ANKFN1: variants seen among roughly 807,000 people sequenced by gnomAD.
ANKFN1 encodes the protein ankyrin repeat and fibronectin type III domain containing 1.
Under a neutral mutation model 108.7 loss-of-function variants are expected in ANKFN1, and 74 were observed. That is an observed-to-expected ratio of 0.68 (90% CI 0.56 to 0.83). The LOEUF is 0.83. ANKFN1 is among the 40% of genes least tolerant of loss of function. The pLI is 0.00. For missense variants in ANKFN1, 1,505 were observed against 1,382.3 expected, an observed-to-expected ratio of 1.09 and a Z score of -1.41; for synonymous variants, 547 against 516.2, an observed-to-expected ratio of 1.06 and a Z score of -0.81.
At chr17:56,423,897 C>T (rs1228823325) in intron 8 of ANKFN1, among the ~76,000 whole-genome samples, 2 of 152,136 alleles carry the variant, frequency 1.3e-5, no homozygotes, top group Non-Finnish European at 2.9e-5. Flanking sequence ...TCCCTGTCAC[C>T]CACCAATCTT....
chr17:56,261,576 A>G (rs2043511699), intron 3 of ANKFN1, among the ~76,000 whole-genome samples: 1 of 151,876 alleles, frequency 6.6e-6, no homozygotes, highest in South Asian at 2.1e-4. Flanking sequence ...AGGGAAGCCA[A>G]CAGTGCAGCC....
At chr17:56,105,686 T>G (rs1226584969) in intron 4 of ANKFN1, among the ~76,000 whole-genome samples, 1 of 148,572 alleles carries the variant, frequency 6.7e-6, no homozygotes, top group African/African-American at 2.5e-5. Context: ...TTCAGTTAAT[T>G]TTGGAGTTTT....
chr17:56,500,195 T>C (rs747865198), intron 20 of ANKFN1, among the ~76,000 whole-genome samples: 1 of 152,222 alleles, frequency 6.6e-6, no homozygotes, highest in African/African-American at 2.4e-5. Flanking sequence ...TGTCATATAA[T>C]AGACAATATA....
chr17:56,280,871 C>T (rs1005930282), intron 3 of ANKFN1, among the ~76,000 whole-genome samples: 19 of 152,186 alleles, frequency 1.2e-4, no homozygotes, highest in Middle Eastern at 3.4e-3. Context: ...GTGGGAGGGA[C>T]CTAGTGGGAG....
Position 56,391,678 on chromosome 17 carries a change from G to A in ANKFN1, c.910+16964G>A, listed in dbSNP as rs142079183. On this transcript the variant is annotated intron_variant, in intron 8 of 20. Coordinates refer to ENST00000682825, the MANE Select transcript of ANKFN1 (RefSeq NM_001370326.1). ...CCTGACCTCGTGATCCACCCACCTCGGCCTCCCAAAGTGCTGGGATTACAG... is the reference window on the plus strand; with the variant it reads ...CCTGACCTCGTGATCCACCCACCTCAGCCTCCCAAAGTGCTGGGATTACAG... 3.8e-3 allele frequency among the ~76,000 whole-genome samples: 573 copies of A among 151,876 alleles called. 4 individuals are homozygous for A. The highest frequency in any genetic ancestry group is 0.013 in the African/African-American group (527 of 41,434).
chr17:56,279,748 C>A (rs2144234384), intron 3 of ANKFN1, among the ~76,000 whole-genome samples: 1 of 152,280 alleles, frequency 6.6e-6, no homozygotes, highest in African/African-American at 2.4e-5. Context: ...TTTTTAAGGT[C>A]TACACACAAT....
chr17:56,136,521 G>C (rs1907608658), intron 4 of ANKFN1, among the ~76,000 whole-genome samples: 2 of 152,198 alleles, frequency 1.3e-5, no homozygotes, highest in African/African-American at 4.8e-5. Flanking sequence ...CTGATCAACA[G>C]AGTGGAAACA....
At chr17:56,298,281 G>C (rs910886137) in intron 3 of ANKFN1, among the ~76,000 whole-genome samples, 1 of 152,014 alleles carries the variant, frequency 6.6e-6, no homozygotes, top group Non-Finnish European at 1.5e-5. Context: ...GATGATTTTT[G>C]CTTTTTCCTG....
intron 3 of ANKFN1, among the ~76,000 whole-genome samples, chr17:56,297,385 G>A (rs2044544174): frequency 6.6e-6 from 1 of 152,198 alleles, no homozygotes; most frequent in African/African-American, 2.4e-5. Flanking sequence ...AAAAGGGCAG[G>A]AGGGTGAGAG....
intron 8 of ANKFN1, among the ~76,000 whole-genome samples, chr17:56,392,655 A>G (rs1349016389): frequency 6.6e-6 from 1 of 152,178 alleles, no homozygotes; most frequent in East Asian, 1.9e-4. Context: ...ATTTCACACG[A>G]TATGGAAAAA....
intron 8 of ANKFN1, among the ~76,000 whole-genome samples, chr17:56,385,413 A>G (rs540943342): frequency 6.7e-4 from 102 of 152,364 alleles, no homozygotes; most frequent in African/African-American, 2.4e-3. Context: ...GGCATGGGCA[A>G]GGACTTCATG....
intron 4 of ANKFN1, among the ~76,000 whole-genome samples, chr17:56,143,119 G>T (rs1908027897): frequency 2.0e-5 from 3 of 152,182 alleles, no homozygotes; most frequent in Admixed American, 1.3e-4. Flanking sequence ...ATTAGGGGTG[G>T]GGTTGGGGGG....
At chr17:56,346,134 A>T (rs2046092844) in intron 4 of ANKFN1, among the ~76,000 whole-genome samples, 1 of 152,062 alleles carries the variant, frequency 6.6e-6, no homozygotes, top group African/African-American at 2.4e-5. Flanking sequence ...AGCACTATTT[A>T]TTAAATAGGG....
chr17:56,160,604 GA>G (rs1162486630), intron 1 of ANKFN1, among the ~76,000 whole-genome samples: 6 of 152,144 alleles, frequency 3.9e-5, no homozygotes, highest in Non-Finnish European at 7.4e-5. Context: ...AGAGTTCCAG[GA>G]AAAAAATGGA....
intron 3 of ANKFN1, among the ~76,000 whole-genome samples, chr17:56,263,548 A>G (rs1277004556): frequency 2.6e-5 from 4 of 152,246 alleles, no homozygotes; most frequent in African/African-American, 4.8e-5. Context: ...TACCTTATAG[A>G]AAGAAGATAT....
At chr17:56,265,843 T>TA (rs1159554076) in intron 3 of ANKFN1, among the ~76,000 whole-genome samples, 4 of 152,258 alleles carry the variant, frequency 2.6e-5, no homozygotes. Context: ...GTATTCTTTT[T>TA]ATTGTTTTAC....
intron 4 of ANKFN1, among the ~76,000 whole-genome samples, chr17:56,090,179 C>T (rs73325645): frequency 0.017 from 2,523 of 151,118 alleles, 127 homozygotes; most frequent in African/African-American, 0.057. Context: ...GAGCATGTCA[C>T]GGAGTGAAAT....
intron 3 of ANKFN1, among the ~76,000 whole-genome samples, chr17:56,287,208 A>T (rs896239058): frequency 2.0e-5 from 3 of 152,162 alleles, no homozygotes; most frequent in African/African-American, 7.2e-5. Context: ...CAGTGCAGTC[A>T]GTGAGATGTG....
At chr17:56,233,376 T>C (rs1598280798) in intron 3 of ANKFN1, among the ~76,000 whole-genome samples, 2 of 152,160 alleles carry the variant, frequency 1.3e-5, no homozygotes, top group East Asian at 3.9e-4. Context: ...TCAAAACATC[T>C]AAAAAGATGA....
Sources: allele counts gnomAD v4.1 joint callset (sites outside exome capture counted in the v4.1 genomes callset), GRCh38; gene constraint gnomAD v4.1.1; transcripts MANE v1.5; gene names NCBI Gene and HGNC (gene_info 2026-07-23, HGNC 2026-07-21).